SULF2: variants seen among roughly 807,000 people sequenced by gnomAD.
SULF2 encodes the protein extracellular sulfatase Sulf-2.
In SULF2, 52 loss-of-function variants were observed where a neutral mutation model predicts 107.7. The ratio of observed to expected loss-of-function variants is 0.48; its 90% CI spans 0.39 to 0.61. The LOEUF is 0.61. Among genes scored for constraint, SULF2 ranks in the 20% least tolerant of loss-of-function variants. The pLI, the probability that SULF2 is intolerant of heterozygous loss-of-function variation, is 0.00. For synonymous variants in SULF2, 460 were observed against 464.3 expected (o/e 0.99, Z 0.12); for missense variants, 993 against 1,177.3 (o/e 0.84, Z 2.29).
chr20:47,659,577 G>T, intron 19 of SULF2, 120 bp downstream of exon 19: 2 of 1,349,968 alleles, frequency 1.5e-6, no homozygotes, highest in Non-Finnish European at 2.1e-6. Context: ...TCCTGGTCTC[G>T]GGCAGACCAG....
chr20:47,703,177 G>A (rs186265547), intron 3 of SULF2, among the ~76,000 whole-genome samples: 104 of 152,328 alleles, frequency 6.8e-4, no homozygotes, highest in Admixed American at 5.9e-3. Context: ...GATTACAGGC[G>A]TGAGCCACCA....
chr20:47,746,755 C>T (rs533868012), intron 2 of SULF2, among the ~76,000 whole-genome samples: 2 of 151,522 alleles, frequency 1.3e-5, no homozygotes, highest in East Asian at 1.9e-4. Flanking sequence ...AAACACTGCA[C>T]GTTCTCACTC....
rs1367912953 is a variant in SULF2, at chr20:47,658,288, ACCCAC to A, written c.*69_*73del. The A allele has an allele frequency of 1.1e-5, 17 of 1,522,024 alleles. No individual in the cohort carries two copies. Among genetic ancestry groups the A allele is most frequent in the Non-Finnish European group, 1.6e-5 (17 of 1,096,140 alleles). 94.3% of individuals were successfully genotyped at this position (1,522,024 alleles called of 1,614,324 possible). A position where few individuals can be genotyped will look rare whatever the true frequency, so the allele number is the denominator to read the frequency against. Reference sequence around the variant, plus strand: ...CAATACCACAGGTCTGCTGGAAATCACCCACATGGTTTTTCATTGCCTGTGCAGTC... The same window carrying A: ...CAATACCACAGGTCTGCTGGAAATCAATGGTTTTTCATTGCCTGTGCAGTC... On this transcript the variant is annotated 3_prime_UTR_variant, in exon 21 of 21. Coordinates refer to ENST00000688720, the MANE Select transcript of SULF2 (RefSeq NM_001387048.1).
intron 3 of SULF2, among the ~76,000 whole-genome samples, chr20:47,710,203 A>T (rs2088881777): frequency 6.6e-6 from 1 of 151,804 alleles, no homozygotes; most frequent in African/African-American, 2.4e-5. Flanking sequence ...TGCCCAGCCT[A>T]ATGTTTTAAT....
chr20:47,682,364 C>T (rs2087850509), intron 7 of SULF2, among the ~76,000 whole-genome samples: 1 of 152,206 alleles, frequency 6.6e-6, no homozygotes, highest in Non-Finnish European at 1.5e-5. Context: ...TTTCAAAAAC[C>T]TCATTTGAGC....
intron 1 of SULF2, among the ~76,000 whole-genome samples, chr20:47,772,958 C>T (rs536351046): frequency 1.2e-3 from 186 of 151,958 alleles, no homozygotes; most frequent in African/African-American, 4.1e-3. Context: ...ATCCAAGGGT[C>T]GGGCAGGAGA....
rs2087669416 is a variant in SULF2, at chr20:47,677,145, G to A, written c.1194-11C>T. ...TTTTTCAAGTGAAACCTGGAAAAAA[G>A]CACGGCTCCTGCTTCTCAGCAACAT... is the stretch of plus-strand genomic sequence containing the variant. On this transcript the variant is annotated splice_polypyrimidine_tract_variant and intron_variant, in intron 8 of 20. Coordinates refer to ENST00000688720, the MANE Select transcript of SULF2 (RefSeq NM_001387048.1). 2 of 1,610,944 alleles carry A rather than the reference G, an allele frequency of 1.2e-6. No individual in the cohort carries two copies. Among genetic ancestry groups the A allele is most frequent in the Non-Finnish European group, 1.7e-6 (2 of 1,177,734 alleles).
chr20:47,672,135 A>G lies in SULF2; in HGVS notation c.1576+63T>C, dbSNP rs529899349. ...CTCTGTGGAACTGTCGGAGTGAATG[A>G]ATGGGGCCCCCCAGGCATGGTCTCT... On this transcript the variant is annotated intron_variant, in intron 11 of 20. Transcript: ENST00000688720. The G allele has an allele frequency of 1.1e-4, 164 of 1,523,506 alleles. 1 individual carries two copies. The African/African-American group carries it at 2.1e-3, about 20-fold the overall frequency. The allele number at this position is 1,523,506 out of a possible 1,614,324, so 94.4% of individuals were successfully genotyped here.
intron 1 of SULF2, among the ~76,000 whole-genome samples, chr20:47,764,117 C>CT (rs2090476003): frequency 6.6e-6 from 1 of 152,226 alleles, no homozygotes; most frequent in Non-Finnish European, 1.5e-5. Context: ...TTCAGGTTAT[C>CT]TTCACCATCC....
At chr20:47,752,003 A>G (rs1394218129) in intron 2 of SULF2, among the ~76,000 whole-genome samples, 1 of 152,232 alleles carries the variant, frequency 6.6e-6, no homozygotes, top group Non-Finnish European at 1.5e-5. Flanking sequence ...CCAGGCTCAC[A>G]TACCTGGCAG....
intron 3 of SULF2, among the ~76,000 whole-genome samples, chr20:47,707,384 C>T (rs1006454058): frequency 3.9e-5 from 6 of 152,190 alleles, no homozygotes; most frequent in African/African-American, 1.4e-4. Context: ...TCCCCTACAC[C>T]AGACACTCTC....
At chr20:47,672,975 T>C (rs1200704269) in intron 10 of SULF2, among the ~76,000 whole-genome samples, 2 of 151,968 alleles carry the variant, frequency 1.3e-5, no homozygotes, top group Non-Finnish European at 2.9e-5. Flanking sequence ...CGCAAGGAGG[T>C]CTCCCCTGAC....
intron 14 of SULF2, among the ~76,000 whole-genome samples, chr20:47,664,453 C>T (rs939263804): frequency 1.3e-5 from 2 of 152,218 alleles, no homozygotes; most frequent in Non-Finnish European, 2.9e-5. Flanking sequence ...AATTTAGCCA[C>T]GACTAGAAGC....
chr20:47,664,186 G>A lies in SULF2; in HGVS notation c.2001C>T (p.Tyr667=), dbSNP rs764734039. 22 of 1,612,052 alleles carry A rather than the reference G, an allele frequency of 1.4e-5. No homozygotes were observed. The East Asian group carries it at 4.9e-4, about 36-fold the overall frequency. ...PEECDCHKIS[Y]HTQHKGRLKH... ...TGAGGCGGCCTTTGTGCTGGGTGTG[G>A]TAGCTGTAACAGACCCCCCCAGCCC... is the stretch of plus-strand genomic sequence containing the variant. Residue 667 remains tyrosine, a synonymous_variant, in exon 15 of 21, where the codon TAC becomes TAT. Transcript: ENST00000688720.
At chr20:47,662,043 C>T (rs2087094281) in intron 17 of SULF2, 147 bp from the exon 18 acceptor site, 1 of 825,864 alleles carries the variant, frequency 1.2e-6, no homozygotes, top group Non-Finnish European at 1.7e-6. Context: ...TCTGCAAGAG[C>T]CAGCGTTTGG....
At chr20:47,733,555 T>C (rs2089663253) in intron 3 of SULF2, among the ~76,000 whole-genome samples, 1 of 152,194 alleles carries the variant, frequency 6.6e-6, no homozygotes, top group African/African-American at 2.4e-5. Flanking sequence ...GGTGGATCAC[T>C]TGAGGCCAGG....
chr20:47,769,694 A>C (rs906185744), intron 1 of SULF2, among the ~76,000 whole-genome samples: 5 of 152,190 alleles, frequency 3.3e-5, no homozygotes, highest in African/African-American at 1.2e-4. Flanking sequence ...CAGGAAAAAC[A>C]ATCCTTCATG....
chr20:47,665,417 C>T, intron 13 of SULF2, 124 bp from the exon 14 acceptor site: 1 of 729,562 alleles, frequency 1.4e-6, no homozygotes, highest in Non-Finnish European at 2.5e-6. Context: ...CTCCCCGGGC[C>T]CCAGGGCAAG....
chr20:47,778,452 C>G (rs1449726665), intron 1 of SULF2, among the ~76,000 whole-genome samples: 1 of 152,242 alleles, frequency 6.6e-6, no homozygotes, highest in Non-Finnish European at 1.5e-5. Context: ...TGGCAGAGGC[C>G]AGGGCCACTG....
Sources: allele counts gnomAD v4.1 joint callset (sites outside exome capture counted in the v4.1 genomes callset), GRCh38; gene constraint gnomAD v4.1.1; transcripts MANE v1.5; gene names NCBI Gene and HGNC (gene_info 2026-07-23, HGNC 2026-07-21).